The following XRN1 variants were observed in gnomAD, a reference collection of about 807,000 sequenced individuals.
XRN1 encodes strand-exchange protein 1 homolog.
In XRN1, 67 loss-of-function variants were observed where a neutral mutation model predicts 222.3. That is an observed-to-expected ratio of 0.30 (90% confidence interval 0.25 to 0.37). The LOEUF (loss-of-function observed/expected upper bound fraction) is 0.37, where lower values mean the gene tolerates loss of function less well. Among genes scored for constraint, XRN1 ranks in the 10% least tolerant of loss-of-function variants. The pLI is 1.00. For synonymous variants in XRN1, 643 were observed against 652.4 expected, an observed-to-expected ratio of 0.99 and a Z score of 0.22; for missense variants, 1,707 against 2,000.2, an observed-to-expected ratio of 0.85 and a Z score of 2.80.
intron 29 of XRN1, 57 bp from the exon 30 acceptor site, chr3:142,359,988 C>T: frequency 7.9e-7 from 1 of 1,273,564 alleles, no homozygotes; most frequent in Non-Finnish European, 1.1e-6. Context: ...GAAAAATCAA[C>T]AGATAAGTTT....
At chr3:142,388,297 T>C (rs1043443721) in intron 20 of XRN1, among the ~76,000 whole-genome samples, 2 of 152,314 alleles carry the variant, frequency 1.3e-5, no homozygotes, top group African/African-American at 4.8e-5. Flanking sequence ...GATTTTATAA[T>C]AACATTTTCT....
intron 33 of XRN1, among the ~76,000 whole-genome samples, chr3:142,336,570 A>C (rs1003758963): frequency 2.6e-5 from 4 of 151,578 alleles, no homozygotes; most frequent in African/African-American, 9.7e-5. Flanking sequence ...AGGGGAAGGA[A>C]GGACAAAGGG....
At chr3:142,369,475 C>A (rs568646690) in intron 27 of XRN1, among the ~76,000 whole-genome samples, 4 of 150,566 alleles carry the variant, frequency 2.7e-5, no homozygotes, top group Non-Finnish European at 3.0e-5. Context: ...GGCAAAACTC[C>A]GTCTCTACTA....
At position 142,322,838 on chromosome 3, in the gene XRN1, A is replaced by G. The variant is rs927777923; in HGVS notation, c.4405-3935T>C. ...ACCAACATGGTGAAACCCCGTCTCT[A>G]TTAAAAATACATAACTTAGCCGAGC... On this transcript the variant is annotated intron_variant, in intron 37 of 40. Coordinates refer to ENST00000392981, the MANE Select transcript of XRN1 (RefSeq NM_001282857.2). Among the ~76,000 whole-genome samples, 7 of 151,216 alleles carry G rather than the reference A, an allele frequency of 4.6e-5. No homozygotes were observed. In the East Asian group the frequency reaches 9.7e-4, roughly 21 times the overall value.
intron 5 of XRN1, among the ~76,000 whole-genome samples, chr3:142,424,637 C>A (rs1480750790): frequency 6.6e-6 from 1 of 151,894 alleles, no homozygotes; most frequent in Non-Finnish European, 1.5e-5. Context: ...CTTAAAAAAA[C>A]ACCTTAATCC....
chr3:142,375,745 C>A, intron 25 of XRN1, 53 bp downstream of exon 25: 1 of 1,489,660 alleles, frequency 6.7e-7, no homozygotes, highest in Non-Finnish European at 9.0e-7. Flanking sequence ...GCAAAATAAA[C>A]AGTATTTTCC....
intron 1 of XRN1, among the ~76,000 whole-genome samples, chr3:142,441,447 A>G (rs2070210234): frequency 6.6e-6 from 1 of 152,246 alleles, no homozygotes; most frequent in African/African-American, 2.4e-5. Context: ...TCACAAAAAA[A>G]CAGGAATAGC....
chr3:142,406,048 A>G (rs1213903192), intron 15 of XRN1, among the ~76,000 whole-genome samples: 2 of 152,164 alleles, frequency 1.3e-5, no homozygotes, highest in African/African-American at 4.8e-5. Flanking sequence ...TAAAGTAGCT[A>G]AAAATCAAAA....
chr3:142,329,199 A>C (rs2065619451), intron 37 of XRN1, among the ~76,000 whole-genome samples: 1 of 152,148 alleles, frequency 6.6e-6, no homozygotes, highest in Non-Finnish European at 1.5e-5. Flanking sequence ...CCCTGGCTCT[A>C]TTAGTTTGAG....
At chr3:142,357,943 C>G (rs924351213) in intron 30 of XRN1, among the ~76,000 whole-genome samples, 1 of 152,108 alleles carries the variant, frequency 6.6e-6, no homozygotes, top group African/African-American at 2.4e-5. Flanking sequence ...GAGGCTGAGG[C>G]AGGAGAATTG....
At chr3:142,429,695 CT>C (rs2069438363) in intron 2 of XRN1, 1 of 152,048 alleles carries the variant, frequency 6.6e-6, no homozygotes, top group Admixed American at 6.6e-5. Context: ...TTTAGTTTAC[CT>C]TCTGACACCA....
intron 13 of XRN1, among the ~76,000 whole-genome samples, chr3:142,416,449 G>C (rs1458356804): frequency 6.6e-6 from 1 of 152,154 alleles, no homozygotes; most frequent in East Asian, 1.9e-4. Flanking sequence ...CTCCCAAAGC[G>C]ATGGGATTAG....
intron 1 of XRN1, among the ~76,000 whole-genome samples, chr3:142,444,799 A>G (rs940318784): frequency 6.6e-6 from 1 of 152,206 alleles, no homozygotes; most frequent in South Asian, 2.1e-4. Flanking sequence ...CTGTACGAAA[A>G]CATCTCATGA....
rs774382318 is a variant in XRN1, at chr3:142,318,811, T to C, written c.4497A>G (p.Ala1499=). The C allele has an allele frequency of 3.2e-5, 51 of 1,613,830 alleles. No homozygotes were observed. Among genetic ancestry groups the C allele is most frequent in the Non-Finnish European group, 4.2e-5 (50 of 1,179,910 alleles). The change falls in exon 38 of 41, where the codon GCA becomes GCG. Residue 1499 remains alanine (A), a synonymous_variant. Transcript: ENST00000392981. ...HSENEAKEKA[A]LFALQQLGSL... Reference sequence around the variant, plus strand: ...TTACCAACTGTTGTAAAGCAAAAAGTGCAGCTTTCTCTTTGGCTTCATTTT... The same window carrying C: ...TTACCAACTGTTGTAAAGCAAAAAGCGCAGCTTTCTCTTTGGCTTCATTTT...
intron 15 of XRN1, among the ~76,000 whole-genome samples, chr3:142,410,154 G>C (rs1473955606): frequency 6.6e-6 from 1 of 152,134 alleles, no homozygotes; most frequent in Non-Finnish European, 1.5e-5. Flanking sequence ...AGAAAGAAGT[G>C]GTTAGAATGG....
At position 142,425,554 on chromosome 3, in the gene XRN1, TA is replaced by T; in HGVS notation, c.407-17del. On this transcript the variant is annotated splice_polypyrimidine_tract_variant and intron_variant, in intron 3 of 40. Transcript: ENST00000392981. ...AATTCAGTTCCTAAAAATAATGTTT[TA>T]AAAAGGTTAATCTAAGAAAGACATA... 1 of 1,584,510 alleles carries T rather than the reference TA, an allele frequency of 6.3e-7. No homozygotes were observed. The highest frequency in any genetic ancestry group is 8.6e-7 in the Non-Finnish European group (1 of 1,157,420).
chr3:142,425,447 G>A lies in XRN1; in HGVS notation c.498C>T (p.Ile166=). ...TAATAACCTCATGGCCTGAGAAGTA[G>A]ATGGTAACTCCTTGCCATGACTTGT... The part of the protein sequence containing the change: ...STDKSWQGVT[I]YFSGHETPGE... The change falls in exon 4 of 41, where the codon ATC becomes ATT. Residue 166 remains isoleucine (I), a synonymous_variant. Coordinates refer to ENST00000392981, the MANE Select transcript of XRN1 (RefSeq NM_001282857.2). 1 of 1,612,390 alleles carries A rather than the reference G, an allele frequency of 6.2e-7. No homozygotes were observed. Among genetic ancestry groups the A allele is most frequent in the Non-Finnish European group, 8.5e-7 (1 of 1,179,036 alleles).
chr3:142,439,162 G>A (rs940237137), intron 1 of XRN1, among the ~76,000 whole-genome samples: 2 of 152,188 alleles, frequency 1.3e-5, no homozygotes, highest in African/African-American at 2.4e-5. Flanking sequence ...TTTTACAAGG[G>A]TTAGGACAAT....
rs1308183330 is a variant in XRN1 at position 142,447,453 on chromosome 3, G to A, written c.75+417C>T. 2.0e-5 allele frequency among the ~76,000 whole-genome samples: 3 copies of A among 152,190 alleles called. No individual in the cohort carries two copies. Among genetic ancestry groups the A allele is most frequent in the Admixed American group, 6.5e-5 (1 of 15,286 alleles). On this transcript the variant is annotated intron_variant, in intron 1 of 40. Transcript: ENST00000392981. The surrounding 1 kb of genome is among the most constrained non-coding windows in gnomAD (Gnocchi z 4.2). ...ACTGCGTGCGGAAGCGGCTGTTATC[G>A]TCTGTAAGTGGGTCTGCCGCTCTGG...
Sources: gnomAD v4.1 joint callset for allele counts (sites outside exome capture counted in the v4.1 genomes callset) on GRCh38, gnomAD v4.1.1 for gene constraint, Gnocchi (gnomAD v3.1) non-coding constraint, MANE v1.5 for transcripts, NCBI Gene and HGNC (gene_info 2026-07-23, HGNC 2026-07-21) for gene names.